KHDRBS2: variants seen among roughly 807,000 people sequenced by gnomAD.
KHDRBS2 encodes KH RNA binding domain containing, signal transduction associated 2, also known as KH domain-containing, RNA-binding, signal transduction-associated protein 2.
A neutral mutation model predicts 44.3 loss-of-function variants in KHDRBS2; 26 were observed. That is an observed-to-expected ratio of 0.59 (90% CI 0.43 to 0.81). KHDRBS2 has a LOEUF of 0.81. Ranked by LOEUF, KHDRBS2 falls within the 40% of genes least tolerant of loss-of-function variation. The pLI is 0.00. For missense variants in KHDRBS2, 476 were observed against 433.1 expected, an observed-to-expected ratio of 1.10 and a Z score of -0.88; for synonymous variants, 194 against 151.1, an observed-to-expected ratio of 1.28 and a Z score of -2.08.
intron 7 of KHDRBS2, among the ~76,000 whole-genome samples, chr6:61,699,579 C>A (rs956988531): frequency 1.3e-5 from 2 of 151,816 alleles, no homozygotes; most frequent in African/African-American, 2.4e-5. Flanking sequence ...GACAGAAGGG[C>A]CTAAAATTAG....
chr6:62,015,828 C>A (rs1781113005), intron 3 of KHDRBS2, among the ~76,000 whole-genome samples: 1 of 152,184 alleles, frequency 6.6e-6, no homozygotes, highest in African/African-American at 2.4e-5. Context: ...TTCTGCATTT[C>A]TCTTAGGAAA....
At chr6:61,891,980 A>G (rs1205504305) in intron 6 of KHDRBS2, among the ~76,000 whole-genome samples, 1 of 152,210 alleles carries the variant, frequency 6.6e-6, no homozygotes, top group Non-Finnish European at 1.5e-5. Flanking sequence ...TGCAGATGAC[A>G]TGATTGTATA....
intron 2 of KHDRBS2, among the ~76,000 whole-genome samples, chr6:62,123,794 T>A (rs1808291098): frequency 6.6e-6 from 1 of 152,206 alleles, no homozygotes; most frequent in Admixed American, 6.5e-5. Flanking sequence ...CTATTTGACA[T>A]CAGGCAGTCT....
chr6:61,583,048 C>T, the KHDRBS2 span, among the ~76,000 whole-genome samples: 18 of 151,796 alleles, frequency 1.2e-4, no homozygotes. Flanking sequence ...CATGTAGCCA[C>T]ATTTTCAGTC....
In KHDRBS2 at chr6:61,945,109, AAAAGTAT is replaced by A. The variant is rs1370007290; in HGVS notation, c.483+32950_483+32956del. Among the ~76,000 whole-genome samples the A allele has an allele frequency of 1.5e-3, 56 of 36,584 alleles. 5 individuals carry two copies. Among genetic ancestry groups the A allele is most frequent in the Middle Eastern group, 0.014 (1 of 70 alleles). 24.0% of individuals were successfully genotyped at this position (36,584 alleles called of 152,430 possible). ...CTGTCTTAAAAAAAAAAAAAAAAAA[AAAAGTAT>A]ATATATATATATATATATATATATA... On this transcript the variant is annotated intron_variant, in intron 4 of 8. Transcript: ENST00000281156.
intron 6 of KHDRBS2, among the ~76,000 whole-genome samples, chr6:61,869,964 G>GTT (rs59518436): frequency 0.057 from 6,104 of 107,726 alleles, 258 homozygotes; most frequent in African/African-American, 0.12. Flanking sequence ...CTGCAGGAGT[G>GTT]TTTTTTTTTT....
intron 1 of KHDRBS2, among the ~76,000 whole-genome samples, chr6:62,233,164 G>A (rs1833158264): frequency 1.3e-5 from 2 of 152,146 alleles, no homozygotes; most frequent in African/African-American, 2.4e-5. Flanking sequence ...CTGTGTGAAG[G>A]AGGCTCAGAT....
At chr6:61,676,754 C>A (rs1192498262), downstream of KHDRBS2, among the ~76,000 whole-genome samples, 2 of 151,778 alleles carry the variant, frequency 1.3e-5, no homozygotes, top group Non-Finnish European at 2.9e-5. Context: ...AGTCAGAGGT[C>A]CTCTCTGTGT....
intron 7 of KHDRBS2, among the ~76,000 whole-genome samples, chr6:61,715,066 T>G (rs777819843): frequency 6.6e-6 from 1 of 151,916 alleles, no homozygotes; most frequent in Non-Finnish European, 1.5e-5. Context: ...CTGTACCCCA[T>G]AAATTTATAC....
At chr6:61,993,377 G>C (rs933931557) in intron 3 of KHDRBS2, among the ~76,000 whole-genome samples, 4 of 151,814 alleles carry the variant, frequency 2.6e-5, no homozygotes, top group Admixed American at 6.6e-5. Context: ...AGCATATTGA[G>C]ATGCTACATA....
chr6:62,248,291 A>T (rs176602), intron 1 of KHDRBS2, among the ~76,000 whole-genome samples: 26,241 of 143,598 alleles, frequency 0.18, 2,571 homozygotes, highest in South Asian at 0.28. Context: ...GTGGTATTTT[A>T]AAAAAAAAAA....
intron 4 of KHDRBS2, among the ~76,000 whole-genome samples, chr6:61,947,952 T>TAATAAC (rs1554286051): frequency 7.5e-6 from 1 of 133,528 alleles, no homozygotes; most frequent in African/African-American, 2.8e-5. Context: ...ATAATAATAA[T>TAATAAC]AACAGAGGAA....
At chr6:62,240,658 ATGTATG>A (rs1314603935) in intron 1 of KHDRBS2, among the ~76,000 whole-genome samples, 5 of 115,164 alleles carry the variant, frequency 4.3e-5, no homozygotes, top group African/African-American at 1.5e-4. Flanking sequence ...GTATGTGTGT[ATGTATG>A]TGTGTGTGTA....
At chr6:62,059,934 G>T (rs1162454246) in intron 2 of KHDRBS2, among the ~76,000 whole-genome samples, 2 of 151,784 alleles carry the variant, frequency 1.3e-5, no homozygotes, top group Non-Finnish European at 2.9e-5. Context: ...TGTATCATAT[G>T]ACAATTATGT....
the KHDRBS2 span, among the ~76,000 whole-genome samples, chr6:61,612,988 G>C: frequency 3.3e-5 from 5 of 151,636 alleles, no homozygotes; most frequent in Non-Finnish European, 7.4e-5. Context: ...GAGTAGCTGG[G>C]ACTACAGGTG....
At chr6:61,792,700 C>T (rs1437076447) in intron 6 of KHDRBS2, among the ~76,000 whole-genome samples, 1 of 151,820 alleles carries the variant, frequency 6.6e-6, no homozygotes, top group African/African-American at 2.4e-5. Context: ...TTTCAAGCCC[C>T]TCTTCTTCAA....
At chr6:61,825,341 T>C (rs1204369375) in intron 6 of KHDRBS2, among the ~76,000 whole-genome samples, 1 of 152,190 alleles carries the variant, frequency 6.6e-6, no homozygotes, top group African/African-American at 2.4e-5. Flanking sequence ...TCCTTGGGAT[T>C]GATGGTGTAA....
chr6:61,963,556 C>G (rs1050239951), intron 4 of KHDRBS2, among the ~76,000 whole-genome samples: 1 of 152,024 alleles, frequency 6.6e-6, no homozygotes, highest in Non-Finnish European at 1.5e-5. Flanking sequence ...AAGGGGAACA[C>G]TGAAGAAAGC....
chr6:61,834,242 C>A (rs574537055), intron 6 of KHDRBS2, among the ~76,000 whole-genome samples: 1 of 151,966 alleles, frequency 6.6e-6, no homozygotes, highest in South Asian at 2.1e-4. Context: ...TTTGGAGGTG[C>A]CAAATGAATA....
Sources: gnomAD v4.1 joint callset for allele counts (sites outside exome capture counted in the v4.1 genomes callset) on GRCh38, gnomAD v4.1.1 for gene constraint, MANE v1.5 for transcripts, NCBI Gene and HGNC (gene_info 2026-07-23, HGNC 2026-07-21) for gene names.